Variants in PTK7 observed in about 807,000 individuals in gnomAD.
The protein encoded by PTK7 is protein tyrosine kinase 7 (inactive), also known as inactive tyrosine-protein kinase 7.
In PTK7, 39 loss-of-function variants were observed where a neutral mutation model predicts 116.6. That is an observed-to-expected ratio of 0.33 (90% CI 0.26 to 0.44). PTK7 has a LOEUF of 0.44. PTK7 is among the 20% of genes least tolerant of loss of function. The pLI is 1.00. For missense variants in PTK7, 1,169 were observed against 1,425.6 expected (o/e 0.82, Z 2.90); for synonymous variants, 546 against 563.6 (o/e 0.97, Z 0.44).
rs747558638 is a variant in PTK7 at position 43,144,474 on chromosome 6, C to T, written c.2275C>T (p.Pro759Ser). The part of the protein sequence containing the change: ...LNGGPLQNGQ[P>S]SAEIQEEVAL... ...AGGTGGGCCTTTGCAGAACGGGCAG[C>T]CCTCAGCAGAGATCCAAGAAGAAGT... Residue 759 changes from proline to serine, a missense_variant, in exon 15 of 20, where the codon CCC (proline) becomes TCC (serine). Physicochemically the swap from Pro to Ser is moderately conservative, Grantham distance 74. This residue lies in a region of PTK7 where 678 missense variants were observed against 853.8 expected (regional missense o/e 0.79). Coordinates refer to ENST00000230419, the MANE Select transcript of PTK7 (RefSeq NM_002821.5). The T allele has an allele frequency of 3.7e-6, 6 of 1,614,132 alleles. No individual in the cohort carries two copies. The Admixed American group carries it at 6.7e-5, about 18-fold the overall frequency.
At chr6:43,110,079 C>G (rs1236524264) in intron 1 of PTK7, among the ~76,000 whole-genome samples, 3 of 150,724 alleles carry the variant, frequency 2.0e-5, no homozygotes, top group Non-Finnish European at 4.4e-5. Context: ...TCACAGCAAC[C>G]TCCGTCTCCT....
At position 43,135,248 on chromosome 6, in the gene PTK7, T is replaced by C. The variant is rs568290828; in HGVS notation, c.1228+2561T>C. 4.6e-5 allele frequency among the ~76,000 whole-genome samples: 7 copies of C among 152,140 alleles called. No individual in the cohort carries two copies. The East Asian group carries it at 1.2e-3, about 25-fold the overall frequency. ...GTGATGCAAACAGGGCCAGATCAGG[T>C]GCTGGGTGTTAGAGGGTAGAGCCCA... is the stretch of plus-strand genomic sequence containing the variant. On this transcript the variant is annotated intron_variant, in intron 7 of 19. Coordinates refer to ENST00000230419, the MANE Select transcript of PTK7 (RefSeq NM_002821.5).
At chr6:43,138,680 A>C in intron 7 of PTK7, 169 bp from the exon 8 acceptor site, 3 of 928,356 alleles carry the variant, frequency 3.2e-6, no homozygotes. Context: ...AAAAATTTTA[A>C]AAAAGGTGCT....
chr6:43,107,080 G>T (rs1416826356), intron 1 of PTK7, among the ~76,000 whole-genome samples: 2 of 151,958 alleles, frequency 1.3e-5, no homozygotes, highest in Non-Finnish European at 2.9e-5. Flanking sequence ...GCACCACCAT[G>T]CCTGGCTAAT....
At chr6:43,099,079 T>C (rs920456568) in intron 1 of PTK7, among the ~76,000 whole-genome samples, 1 of 141,484 alleles carries the variant, frequency 7.1e-6, no homozygotes, top group Admixed American at 7.1e-5. Context: ...ATTAAAAATA[T>C]AAAATAGATA....
intron 17 of PTK7, among the ~76,000 whole-genome samples, chr6:43,154,729 G>A (rs1211059137): frequency 6.6e-6 from 1 of 152,308 alleles, no homozygotes; most frequent in Non-Finnish European, 1.5e-5. Flanking sequence ...CCTAGCGCTC[G>A]GGCTTGGCAC....
intron 1 of PTK7, among the ~76,000 whole-genome samples, chr6:43,112,271 T>C (rs905078610): frequency 2.0e-5 from 3 of 151,404 alleles, no homozygotes; most frequent in Non-Finnish European, 4.4e-5. Context: ...TATTTATTTA[T>C]TTATTTATTT....
intron 1 of PTK7, among the ~76,000 whole-genome samples, chr6:43,128,073 C>T (rs1028636262): frequency 5.9e-5 from 9 of 152,180 alleles, no homozygotes; most frequent in African/African-American, 2.2e-4. Context: ...AGAGCATTTG[C>T]GGATGAGATT....
intron 1 of PTK7, among the ~76,000 whole-genome samples, chr6:43,114,794 C>A (rs921707022): frequency 5.3e-5 from 8 of 152,160 alleles, no homozygotes; most frequent in South Asian, 4.1e-4. Context: ...AAAATAACTT[C>A]TTTGGGAGGT....
chr6:43,145,908 G>C lies in PTK7; in HGVS notation c.2640+476G>C, dbSNP rs1396448275. The C allele has an allele frequency of 6.5e-6, 1 of 153,386 alleles. No individual in the cohort carries two copies. Among genetic ancestry groups the C allele is most frequent in the African/African-American group, 2.4e-5 (1 of 41,474 alleles). The allele number at this position is 153,386 out of a possible 1,614,324, so 9.5% of individuals were successfully genotyped here. A position where few individuals can be genotyped will look rare whatever the true frequency, so the allele number is the denominator to read the frequency against. On this transcript the variant is annotated intron_variant, in intron 16 of 19. Transcript: ENST00000230419. This position sits in a 1 kb window ranked among gnomAD's most constrained non-coding sequence, Gnocchi z 4.8. ...CTCCACTCAGGGTGTCATTCCCAGA[G>C]CTGCGCCTTCCTCTTCATTCCCCAG...
chr6:43,118,952 G>A (rs976477370), intron 1 of PTK7, among the ~76,000 whole-genome samples: 1 of 151,206 alleles, frequency 6.6e-6, no homozygotes, highest in Non-Finnish European at 1.5e-5. Context: ...GTAGAGATGG[G>A]GTTTCATTAT....
intron 1 of PTK7, among the ~76,000 whole-genome samples, chr6:43,084,229 C>A (rs576705295): frequency 1.9e-4 from 29 of 152,318 alleles, no homozygotes; most frequent in African/African-American, 7.0e-4. Flanking sequence ...CTGTTGGGCT[C>A]AAGTGATTCT....
chr6:43,148,912 AG>A (rs1770884590), intron 17 of PTK7, among the ~76,000 whole-genome samples: 1 of 151,418 alleles, frequency 6.6e-6, no homozygotes, highest in African/African-American at 2.4e-5. Context: ...TACAAAAATT[AG>A]CCAGGTGTGG....
At chr6:43,157,245 T>TTCC (rs1329045677) in intron 17 of PTK7, among the ~76,000 whole-genome samples, 1 of 143,442 alleles carries the variant, frequency 7.0e-6, no homozygotes, top group East Asian at 2.1e-4. Context: ...TCCAGTTCCG[T>TTCC]TCCTTGGAGG....
chr6:43,119,430 A>G lies in PTK7; in HGVS notation c.80-9547A>G, dbSNP rs569950343. On this transcript the variant is annotated intron_variant, in intron 1 of 19. Coordinates refer to ENST00000230419, the MANE Select transcript of PTK7 (RefSeq NM_002821.5). ...ACCCCCTGCTTCTGCGGGAAGGACC[A>G]TGGGAAGCTGGCTCCCAGGCTCCAC... 3.9e-5 allele frequency among the ~76,000 whole-genome samples: 6 copies of G among 152,284 alleles called. No homozygotes were observed. In the South Asian group the frequency reaches 1.2e-3, roughly 32 times the overall value.
chr6:43,154,688 TGAG>T (rs1771318384), intron 17 of PTK7, among the ~76,000 whole-genome samples: 1 of 152,214 alleles, frequency 6.6e-6, no homozygotes, highest in African/African-American at 2.4e-5. Context: ...CCAAGAAAAC[TGAG>T]AAGAGATGTC....
At chr6:43,155,225 GT>G (rs1016353754) in intron 17 of PTK7, among the ~76,000 whole-genome samples, 29 of 151,744 alleles carry the variant, frequency 1.9e-4, no homozygotes, top group African/African-American at 6.3e-4. Flanking sequence ...ATCTCACAAT[GT>G]TGCCCAGGCT....
chr6:43,106,933 T>C (rs1294467253), intron 1 of PTK7, among the ~76,000 whole-genome samples: 1 of 142,376 alleles, frequency 7.0e-6, no homozygotes, highest in Admixed American at 7.1e-5. Flanking sequence ...TGAATTTTTT[T>C]TTTTTTTGAG....
intron 1 of PTK7, among the ~76,000 whole-genome samples, chr6:43,097,850 AT>A (rs1012132355): frequency 2.0e-5 from 3 of 152,016 alleles, no homozygotes; most frequent in African/African-American, 7.3e-5. Context: ...TCTGTTTTCC[AT>A]TTTATCAGGT....
Sources: gnomAD v4.1 joint callset for allele counts (sites outside exome capture counted in the v4.1 genomes callset) on GRCh38, gnomAD v4.1.1 for gene constraint, gnomAD v4.1.1 regional missense constraint, Gnocchi (gnomAD v3.1) non-coding constraint, MANE v1.5 for transcripts, NCBI Gene and HGNC (gene_info 2026-07-23, HGNC 2026-07-21) for gene names.